Variants in CADM2 observed in about 807,000 individuals in gnomAD.
The protein encoded by CADM2 is immunoglobulin superfamily member 4D.
CADM2 carries 12 observed loss-of-function variants against 49.8 expected under a neutral mutation model. The ratio of observed to expected loss-of-function variants is 0.24; its 90% CI spans 0.15 to 0.39. The LOEUF (loss-of-function observed/expected upper bound fraction) is 0.39, where lower values mean the gene tolerates loss of function less well. Ranked by LOEUF, CADM2 falls within the 10% of genes least tolerant of loss-of-function variation. The probability of loss-of-function intolerance (pLI) is 1.00; values close to 1 mark genes in which losing one functional copy is unlikely to be tolerated. For missense variants in CADM2, 378 were observed against 492.3 expected (o/e 0.77, Z 2.20); for synonymous variants, 214 against 175.4 (o/e 1.22, Z -1.74).
chr3:85,886,169 C>T (rs2108401394), intron 4 of CADM2, 21 bp from the exon 5 acceptor site: 4 of 1,611,596 alleles, frequency 2.5e-6, no homozygotes, highest in Non-Finnish European at 3.4e-6. Flanking sequence ...ATGCTCACTT[C>T]ATCATTCGCT....
intron 1 of CADM2, among the ~76,000 whole-genome samples, chr3:85,114,051 C>T (rs933590842): frequency 3.3e-5 from 5 of 151,896 alleles, no homozygotes; most frequent in African/African-American, 1.2e-4. Context: ...TTTTTAACCT[C>T]ATAAACCATA....
At chr3:85,819,425 T>C (rs776860036) in intron 3 of CADM2, among the ~76,000 whole-genome samples, 2 of 152,250 alleles carry the variant, frequency 1.3e-5, no homozygotes, top group Non-Finnish European at 2.9e-5. Context: ...ACAGAATATA[T>C]ATGAAAAGTT....
At chr3:85,246,904 A>G (rs961047905) in intron 1 of CADM2, among the ~76,000 whole-genome samples, 1 of 151,878 alleles carries the variant, frequency 6.6e-6, no homozygotes, top group Non-Finnish European at 1.5e-5. Context: ...ATTGTTACAG[A>G]TTTTCTTTGG....
chr3:85,678,913 T>C (rs2065961175), intron 1 of CADM2, among the ~76,000 whole-genome samples: 1 of 152,140 alleles, frequency 6.6e-6, no homozygotes, highest in South Asian at 2.1e-4. Context: ...ATATCAGGAA[T>C]GCTGCTAAAC....
intron 1 of CADM2, among the ~76,000 whole-genome samples, chr3:85,133,730 T>C (rs1208161063): frequency 6.6e-6 from 1 of 152,228 alleles, no homozygotes; most frequent in African/African-American, 2.4e-5. Flanking sequence ...CTGGTGTATT[T>C]ACAATCCCTG....
At chr3:85,556,207 A>C (rs761364680) in intron 1 of CADM2, among the ~76,000 whole-genome samples, 1 of 152,302 alleles carries the variant, frequency 6.6e-6, no homozygotes, top group South Asian at 2.1e-4. Context: ...TAGAGAAAAT[A>C]AAATATTATT....
intron 2 of CADM2, among the ~76,000 whole-genome samples, chr3:85,794,121 A>G (rs1338173289): frequency 1.3e-5 from 2 of 152,066 alleles, no homozygotes; most frequent in African/African-American, 4.8e-5. Context: ...ATCCTTATGT[A>G]TTTTACTTAT....
At chr3:85,044,006 A>G (rs2035551276) in intron 1 of CADM2, among the ~76,000 whole-genome samples, 1 of 152,148 alleles carries the variant, frequency 6.6e-6, no homozygotes, top group Admixed American at 6.6e-5. Context: ...GTTCACTCAC[A>G]ATGTGAACAC....
chr3:85,531,834 T>TC (rs1444730813), intron 1 of CADM2, among the ~76,000 whole-genome samples: 2 of 152,174 alleles, frequency 1.3e-5, no homozygotes, highest in Non-Finnish European at 2.9e-5. Flanking sequence ...CTTGTGATAA[T>TC]CCCCATTTCA....
chr3:85,017,885 T>C (rs911000866), intron 1 of CADM2, among the ~76,000 whole-genome samples: 7 of 152,180 alleles, frequency 4.6e-5, no homozygotes, highest in South Asian at 4.1e-4. Context: ...AATATAGAGA[T>C]AGAACCATCA....
intron 1 of CADM2, among the ~76,000 whole-genome samples, chr3:85,164,324 A>G (rs1438195949): frequency 1.3e-5 from 2 of 152,068 alleles, no homozygotes; most frequent in African/African-American, 4.8e-5. Flanking sequence ...AGATTTTAAG[A>G]AAATGAACTT....
intron 5 of CADM2, among the ~76,000 whole-genome samples, chr3:85,908,019 A>G (rs914469620): frequency 1.3e-5 from 2 of 152,110 alleles, no homozygotes; most frequent in African/African-American, 4.8e-5. Context: ...TATACTGCTC[A>G]AGGCATATAA....
chr3:85,831,245 A>G (rs903335117), intron 3 of CADM2, among the ~76,000 whole-genome samples: 4 of 151,908 alleles, frequency 2.6e-5, no homozygotes, highest in African/African-American at 7.2e-5. Context: ...ATGGGCATCT[A>G]GGTTGATTTC....
intron 2 of CADM2, among the ~76,000 whole-genome samples, chr3:85,774,275 G>A (rs1228617218): frequency 4.0e-5 from 6 of 151,620 alleles, no homozygotes; most frequent in Non-Finnish European, 7.4e-5. Context: ...CATGCATATC[G>A]GTGTTCTTAA....
chr3:85,508,987 G>T (rs2040487052), intron 1 of CADM2, among the ~76,000 whole-genome samples: 1 of 152,016 alleles, frequency 6.6e-6, no homozygotes, highest in African/African-American at 2.4e-5. Flanking sequence ...AGAATTCTGT[G>T]AATATATTAA....
chr3:86,066,332 C>CAAAAAAAAAAAAAAAAAAAAAAAAAA (rs10663610), intron 9 of CADM2, among the ~76,000 whole-genome samples: 2 of 30,362 alleles, frequency 6.6e-5, no homozygotes, highest in African/African-American at 4.3e-4. Context: ...GACTCCGTCT[C>CAAAAAAAAAAAAAAAAAAAAAAAAAA]AAAAAAAAAA....
At chr3:85,549,849 T>A (rs1316027769) in intron 1 of CADM2, among the ~76,000 whole-genome samples, 1 of 150,556 alleles carries the variant, frequency 6.6e-6, no homozygotes, top group East Asian at 2.0e-4. Context: ...CCAGGCTGGT[T>A]TCAAACTCCT....
intron 3 of CADM2, among the ~76,000 whole-genome samples, chr3:85,843,394 C>G (rs1419677560): frequency 6.6e-6 from 1 of 151,804 alleles, no homozygotes; most frequent in East Asian, 1.9e-4. Context: ...ACCCCGCCCC[C>G]CAACCTTTTC....
chr3:85,140,177 C>T (rs568309075), intron 1 of CADM2, among the ~76,000 whole-genome samples: 6 of 152,286 alleles, frequency 3.9e-5, no homozygotes, highest in South Asian at 4.1e-4. Flanking sequence ...CCCACTCTAC[C>T]GGGTTCTCTT....
Sources: gnomAD v4.1 joint callset for allele counts (sites outside exome capture counted in the v4.1 genomes callset) on GRCh38, gnomAD v4.1.1 for gene constraint, MANE v1.5 for transcripts, NCBI Gene and HGNC (gene_info 2026-07-23, HGNC 2026-07-21) for gene names.